The following KDM4C variants were observed in gnomAD, a reference collection of about 807,000 sequenced individuals.
KDM4C encodes lysine demethylase 4C, also known as lysine-specific demethylase 4C.
Under a neutral mutation model 129.3 loss-of-function variants are expected in KDM4C, and 81 were observed. That is an observed-to-expected ratio of 0.63 (90% CI 0.52 to 0.75). KDM4C has a LOEUF of 0.75. KDM4C is among the 30% of genes least tolerant of loss of function. KDM4C has a pLI of 0.00. For synonymous variants in KDM4C, 573 were observed against 456.1 expected (o/e 1.26, Z -3.26); for missense variants, 1,457 against 1,304.0 (o/e 1.12, Z -1.81).
At chr9:7,029,897 A>C (rs1248067342) in intron 15 of KDM4C, among the ~76,000 whole-genome samples, 1 of 152,188 alleles carries the variant, frequency 6.6e-6, no homozygotes, top group Non-Finnish European at 1.5e-5. Flanking sequence ...CTATGGTGTC[A>C]TTGTTTATTG....
At chr9:6,925,258 C>T (rs1822266308) in intron 8 of KDM4C, 3 of 985,230 alleles carry the variant, frequency 3.0e-6, no homozygotes, top group Non-Finnish European at 3.6e-6. Context: ...TTATGAACAG[C>T]ATTGTAGGAG....
intron 15 of KDM4C, among the ~76,000 whole-genome samples, chr9:7,036,180 T>A (rs1020934637): frequency 3.3e-5 from 5 of 152,164 alleles, no homozygotes; most frequent in Non-Finnish European, 7.4e-5. Context: ...TTTTATAGTT[T>A]CTCTTATAGT....
At chr9:7,159,424 C>T (rs1395401974) in intron 19 of KDM4C, among the ~76,000 whole-genome samples, 2 of 152,172 alleles carry the variant, frequency 1.3e-5, no homozygotes, top group Non-Finnish European at 2.9e-5. Flanking sequence ...TTCTTCATAG[C>T]ATTGGTGGTC....
At position 7,165,235 on chromosome 9, in the gene KDM4C, C is replaced by T; in HGVS notation, c.2782-3C>T. Reference sequence around the variant, plus strand: ...GAAAAGCCTGTCTCTGTTTATTCTGCAGAGCCGAGACTGTCTGAAGCTGGG... The same window carrying T: ...GAAAAGCCTGTCTCTGTTTATTCTGTAGAGCCGAGACTGTCTGAAGCTGGG... On this transcript the variant is annotated splice_polypyrimidine_tract_variant and splice_region_variant and intron_variant, in intron 19 of 21. Coordinates refer to ENST00000381309, the MANE Select transcript of KDM4C (RefSeq NM_015061.6). 1 of 1,613,644 alleles carries T rather than the reference C, an allele frequency of 6.2e-7. No homozygotes were observed. Among genetic ancestry groups the T allele is most frequent in the East Asian group, 2.2e-5 (1 of 44,862 alleles).
intron 18 of KDM4C, among the ~76,000 whole-genome samples, chr9:7,118,833 C>G (rs3802403): frequency 0.44 from 66,740 of 151,920 alleles, 15,024 homozygotes; most frequent in East Asian, 0.76. Context: ...AAGGTGACAT[C>G]TCCGCCCATG....
chr9:6,861,980 CA>C (rs1313572036), intron 5 of KDM4C, among the ~76,000 whole-genome samples: 1 of 152,006 alleles, frequency 6.6e-6, no homozygotes, highest in East Asian at 1.9e-4. Flanking sequence ...CCGCGTTGGC[CA>C]GGCTGGTCTT....
intron 15 of KDM4C, among the ~76,000 whole-genome samples, chr9:7,027,061 A>G (rs1047918601): frequency 2.0e-5 from 3 of 152,052 alleles, no homozygotes; most frequent in African/African-American, 4.8e-5. Context: ...GAGGTCACAT[A>G]TCTGTGTTTC....
intron 15 of KDM4C, among the ~76,000 whole-genome samples, chr9:7,029,597 A>G (rs1310173781): frequency 6.6e-6 from 1 of 151,990 alleles, no homozygotes; most frequent in Non-Finnish European, 1.5e-5. Context: ...AATTAATATA[A>G]GAATAAATTA....
intron 1 of KDM4C, among the ~76,000 whole-genome samples, chr9:6,733,694 G>A (rs1365147781): frequency 1.3e-5 from 2 of 152,190 alleles, no homozygotes; most frequent in African/African-American, 4.8e-5. Flanking sequence ...AGTGTAAAGA[G>A]AAAGCAAGTT....
Position 6,779,032 on chromosome 9 carries a change from C to CTTTTTTTTTTTTTTTTTT in KDM4C, c.-17-13926_-17-13925insTTTTTTTTTTTTTTTTTT, listed in dbSNP as rs60503128. Among the ~76,000 whole-genome samples the CTTTTTTTTTTTTTTTTTT allele has an allele frequency of 3.9e-4, 37 of 94,626 alleles. 4 individuals are homozygous for CTTTTTTTTTTTTTTTTTT. The highest frequency in any genetic ancestry group is 1.9e-3 in the African/African-American group (36 of 19,400). The allele number at this position is 94,626 out of a possible 152,430, so 62.1% of individuals were successfully genotyped here. On this transcript the variant is annotated intron_variant, in intron 1 of 21. Transcript: ENST00000381309. ...CTACCTCACCAGGCCTGATTAAAGT[C>CTTTTTTTTTTTTTTTTTT]TTTTTTTTTTTTTTGAGATGGAGTC... is the stretch of plus-strand genomic sequence containing the variant.
At position 7,094,344 on chromosome 9, in the gene KDM4C, A is replaced by T. The variant is rs549147496; in HGVS notation, c.2425-9341A>T. Among the ~76,000 whole-genome samples, 14 of 151,506 alleles carry T rather than the reference A, an allele frequency of 9.2e-5. 1 individual carries two copies. In the South Asian group the frequency reaches 2.3e-3, roughly 25 times the overall value. On this transcript the variant is annotated intron_variant, in intron 17 of 21. Transcript: ENST00000381309. Reference sequence around the variant, plus strand: ...AGGTAAAAGGAATTTCTTTTTTTTTATTTTATTTTATTATTATTATACTTT... The same window carrying T: ...AGGTAAAAGGAATTTCTTTTTTTTTTTTTTATTTTATTATTATTATACTTT...
intron 8 of KDM4C, among the ~76,000 whole-genome samples, chr9:6,905,242 A>C (rs1437337510): frequency 6.6e-6 from 1 of 152,220 alleles, no homozygotes; most frequent in African/African-American, 2.4e-5. Context: ...TACACATTGG[A>C]GGCCGTCTTG....
chr9:6,738,417 G>C (rs958822301), intron 1 of KDM4C, among the ~76,000 whole-genome samples: 1 of 152,164 alleles, frequency 6.6e-6, no homozygotes, highest in Non-Finnish European at 1.5e-5. Flanking sequence ...GAAGGTTGCA[G>C]TTAGCAGAAA....
chr9:6,929,788 T>C (rs893178031), intron 8 of KDM4C, among the ~76,000 whole-genome samples: 7 of 152,170 alleles, frequency 4.6e-5, no homozygotes, highest in Admixed American at 4.6e-4. Flanking sequence ...AAATAGAATA[T>C]TAAAAAGTTC....
At chr9:7,147,657 CAGTG>C (rs1378381685) in intron 19 of KDM4C, among the ~76,000 whole-genome samples, 1 of 152,156 alleles carries the variant, frequency 6.6e-6, no homozygotes, top group African/African-American at 2.4e-5. Flanking sequence ...CAGGAGGACA[CAGTG>C]AGCCCTGGGG....
chr9:6,779,082 G>T (rs2130737645), intron 1 of KDM4C, among the ~76,000 whole-genome samples: 1 of 137,822 alleles, frequency 7.3e-6, no homozygotes, highest in Admixed American at 8.0e-5. Context: ...AGGCTGGAGT[G>T]CAGTGGCGTG....
In KDM4C at chr9:6,890,162, C is replaced by T. The variant is rs963535328; in HGVS notation, c.783+2099C>T. Among the ~76,000 whole-genome samples, 9 of 152,154 alleles carry T rather than the reference C, an allele frequency of 5.9e-5. No homozygotes were observed. In the East Asian group the frequency reaches 7.7e-4, roughly 13 times the overall value. Reference sequence around the variant, plus strand: ...AACCACATTTACCTGGTGATGATAGCGTAACATATGATAGGGCAGCACAAT... The same window carrying T: ...AACCACATTTACCTGGTGATGATAGTGTAACATATGATAGGGCAGCACAAT... On this transcript the variant is annotated intron_variant, in intron 7 of 21. Transcript: ENST00000381309.
chr9:6,757,069 C>T (rs1192942080), upstream of KDM4C, among the ~76,000 whole-genome samples: 1 of 152,216 alleles, frequency 6.6e-6, no homozygotes, highest in Non-Finnish European at 1.5e-5. Flanking sequence ...CTTTGCAAAA[C>T]ATCTGATGCT....
chr9:6,758,238 G>A lies in KDM4C; in HGVS notation c.-18+35G>A, dbSNP rs1040404143. ...TTTCCGGAGTCTGGGGGCCAGGGCGGGGGGAGGGTCCGGAGAGGTCTTCCC... is the reference window on the plus strand; with the variant it reads ...TTTCCGGAGTCTGGGGGCCAGGGCGAGGGGAGGGTCCGGAGAGGTCTTCCC... On this transcript the variant is annotated intron_variant, in intron 1 of 21. Coordinates refer to ENST00000381309, the MANE Select transcript of KDM4C (RefSeq NM_015061.6). This position sits in a 1 kb window ranked among gnomAD's most constrained non-coding sequence, Gnocchi z 4.6. 4.1e-6 allele frequency: 4 copies of A among 982,026 alleles called. No homozygotes were observed. The African/African-American group carries it at 5.2e-5, about 13-fold the overall frequency. The allele number at this position is 982,026 out of a possible 1,614,324, so 60.8% of individuals were successfully genotyped here.
Sources: gnomAD v4.1 joint callset for allele counts (sites outside exome capture counted in the v4.1 genomes callset) on GRCh38, gnomAD v4.1.1 for gene constraint, Gnocchi (gnomAD v3.1) non-coding constraint, MANE v1.5 for transcripts, NCBI Gene and HGNC (gene_info 2026-07-23, HGNC 2026-07-21) for gene names.